TSC2: variants seen among roughly 807,000 people sequenced by gnomAD.
TSC2 encodes TSC complex subunit 2.
In TSC2, 29 loss-of-function variants were observed where a neutral mutation model predicts 202.2. The ratio of observed to expected loss-of-function variants is 0.14; its 90% CI spans 0.11 to 0.20. The LOEUF (loss-of-function observed/expected upper bound fraction) is 0.20. Ranked by LOEUF, TSC2 falls within the 10% of genes least tolerant of loss-of-function variation. The pLI, the probability that TSC2 is intolerant of heterozygous loss-of-function variation, is 1.00. For missense variants in TSC2, 2,429 were observed against 2,420.0 expected (o/e 1.00, Z -0.08); for synonymous variants, 1,349 against 1,044.0 (o/e 1.29, Z -5.63).
rs1555506852 is a variant in TSC2, at chr16:2,072,855, G to A, written c.2227G>A (p.Gly743Ser). ...GCCTGGATTTGGTCATCAGCTTTCAGGCCCAAAGACACTGGAGCGGCTCCG... is the reference window on the plus strand; with the variant it reads ...GCCTGGATTTGGTCATCAGCTTTCAAGCCCAAAGACACTGGAGCGGCTCCG... ...LCSALCSMLS[G>S]PKTLERLRGA... Residue 743 changes from glycine (G) to serine (S), a missense_variant, in exon 21 of 42, where the codon GGC becomes AGC. Coordinates refer to ENST00000219476, the MANE Select transcript of TSC2 (RefSeq NM_000548.5). 6.2e-7 allele frequency: 1 copy of A among 1,613,642 alleles called. No individual in the cohort carries two copies. The highest frequency in any genetic ancestry group is 8.5e-7 in the Non-Finnish European group (1 of 1,180,036).
At chr16:2,082,314 C>A in intron 31 of TSC2, 122 bp from the exon 32 acceptor site, 2 of 1,147,384 alleles carry the variant, frequency 1.7e-6, no homozygotes, top group African/African-American at 1.5e-5. Context: ...GCCCCGTGCG[C>A]GCCCCTGCCG....
chr16:2,081,038 C>T (rs75443211), intron 30 of TSC2: 14 of 191,774 alleles, frequency 7.3e-5, no homozygotes, highest in Admixed American at 5.3e-4. Context: ...GTGTTAATCT[C>T]CTCTTGGGAG....
intron 16 of TSC2, among the ~76,000 whole-genome samples, chr16:2,068,013 G>A (rs761898361): frequency 2.0e-5 from 3 of 152,168 alleles, no homozygotes; most frequent in African/African-American, 4.8e-5. Context: ...CCTAGTTGAG[G>A]CAGAGTCCTG....
At chr16:2,084,872 GCTCTGTGTTCCT>G in intron 34 of TSC2, 67 bp from the exon 35 acceptor site, 1 of 1,605,148 alleles carries the variant, frequency 6.2e-7, no homozygotes, top group Non-Finnish European at 8.5e-7. Flanking sequence ...AGATGGCCAG[GCTCTGTGTTCCT>G]CCCTGTGGGC....
chr16:2,076,726 G>A, intron 25 of TSC2, 141 bp downstream of exon 25: 1 of 856,078 alleles, frequency 1.2e-6, no homozygotes, highest in Non-Finnish European at 1.8e-6. Context: ...GGCAGGACCT[G>A]CAAGGGCCGC....
Position 2,053,386 on chromosome 16 carries a change from G to C in TSC2, c.270G>C (p.Gln90His), listed in dbSNP as rs779310889. ...ALWKAVADLL[Q>H]PERPLEARHA... ...GGAAGGCGGTCGCGGATCTGTTGCAGCCGGAGCGGCCGCTGGAGGCCCGGC... is the reference window on the plus strand; with the variant it reads ...GGAAGGCGGTCGCGGATCTGTTGCACCCGGAGCGGCCGCTGGAGGCCCGGC... Residue 90 changes from glutamine (Q) to histidine (H), a missense_variant, in exon 4 of 42, where the codon CAG (glutamine) becomes CAC (histidine). Coordinates refer to ENST00000219476, the MANE Select transcript of TSC2 (RefSeq NM_000548.5). 1 of 1,591,536 alleles carries C rather than the reference G, an allele frequency of 6.3e-7. No individual in the cohort carries two copies.
chr16:2,073,551 C>T (rs1041258958), intron 21 of TSC2, among the ~76,000 whole-genome samples: 4 of 152,262 alleles, frequency 2.6e-5, no homozygotes, highest in South Asian at 2.1e-4. Context: ...ATCTGTGCCC[C>T]GGGCCTCAGC....
rs1010489256 is a variant in TSC2 at position 2,048,702 on chromosome 16, G to T, written c.87G>T (p.Arg29Ser). Residue 29 changes from arginine to serine, a missense_variant, in exon 2 of 42, where the codon AGG (arginine) becomes AGT (serine). Coordinates refer to ENST00000219476, the MANE Select transcript of TSC2 (RefSeq NM_000548.5). ...TGGGAACACCGAGGCCAAATCCCAG[G>T]TCTGCAGAGGGTAAACAGACGGAGT... ...LGLGTPRPNP[R>S]SAEGKQTEFI... 1 of 1,614,066 alleles carries T rather than the reference G, an allele frequency of 6.2e-7. No homozygotes were observed. The highest frequency in any genetic ancestry group is 8.5e-7 in the Non-Finnish European group (1 of 1,180,034).
At chr16:2,087,208 AGTTG>A in intron 38 of TSC2, 1 of 420,754 alleles carries the variant, frequency 2.4e-6, no homozygotes, top group Non-Finnish European at 4.5e-6. Flanking sequence ...CAGGCTGCTC[AGTTG>A]GTTATCGCCA....
chr16:2,082,824 C>T, intron 32 of TSC2: 1 of 493,060 alleles, frequency 2.0e-6, no homozygotes, highest in Non-Finnish European at 3.7e-6. Flanking sequence ...TGGGTGGCAG[C>T]TGTTTAGGGG....
chr16:2,087,408 C>T (rs1219662979), intron 38 of TSC2, among the ~76,000 whole-genome samples: 2 of 151,828 alleles, frequency 1.3e-5, no homozygotes, highest in Non-Finnish European at 2.9e-5. Flanking sequence ...GAACCAAAAC[C>T]CCGGGGCTGG....
chr16:2,053,410 G>A lies in TSC2; in HGVS notation c.294G>A (p.Arg98=), dbSNP rs2085370771. 1 of 1,587,298 alleles carries A rather than the reference G, an allele frequency of 6.3e-7. No homozygotes were observed. Among genetic ancestry groups the A allele is most frequent in the Non-Finnish European group, 8.6e-7 (1 of 1,167,762 alleles). ...AGCCGGAGCGGCCGCTGGAGGCCCG[G>A]CACGCGGTGCTGGCTCTGCTGAAGG... ...LLQPERPLEA[R]HAVLALLKAI... The change falls in exon 4 of 42, where the codon CGG becomes CGA. Residue 98 remains arginine, a synonymous_variant. Transcript: ENST00000219476.
chr16:2,077,081 C>T lies in TSC2; in HGVS notation c.2837+496C>T, dbSNP rs577902814. 4.6e-5 allele frequency among the ~76,000 whole-genome samples: 7 copies of T among 152,372 alleles called. No individual in the cohort carries two copies. The South Asian group carries it at 6.2e-4, about 14-fold the overall frequency. On this transcript the variant is annotated intron_variant, in intron 25 of 41. Transcript: ENST00000219476. ...TAGATGGGAATACGGCATTTTCCAG[C>T]GTGACCTCAACTCGGAAGCTGTTGT...
intron 30 of TSC2, 93 bp from the exon 31 acceptor site, chr16:2,081,502 A>G: frequency 6.5e-7 from 1 of 1,548,824 alleles, no homozygotes; most frequent in East Asian, 2.2e-5. Context: ...GCATGAGGGC[A>G]AAACCAGGGC....
chr16:2,084,739 G>C, intron 34 of TSC2, 24 bp downstream of exon 34: 1 of 1,598,420 alleles, frequency 6.3e-7, no homozygotes, highest in Non-Finnish European at 8.5e-7. Flanking sequence ...TTCCGGGCGG[G>C]GCTCCTGACA....
chr16:2,058,828 T>C lies in TSC2; in HGVS notation c.930T>C (p.Tyr310=), dbSNP rs886041758. Residue 310 remains tyrosine (Y), a synonymous_variant, in exon 10 of 42, where the codon TAT becomes TAC. Coordinates refer to ENST00000219476, the MANE Select transcript of TSC2 (RefSeq NM_000548.5). ...CTCTCTGGGGAGCCCACCGGCTCTA[T>C]TCTCTCAGGAACTCGCCGACATCTG... is the stretch of plus-strand genomic sequence containing the variant. The part of the protein sequence containing the change: ...GMALWGAHRL[Y]SLRNSPTSVL... The C allele has an allele frequency of 6.2e-7, 1 of 1,605,896 alleles. No homozygotes were observed. The highest frequency in any genetic ancestry group is 1.1e-5 in the South Asian group (1 of 89,182).
In TSC2 at chr16:2,081,343, C is replaced by T. The variant is rs537588736; in HGVS notation, c.3611-252C>T. ...CCAGCCCTCGTGGAGGCCTTGGGTCCGGACTGTGAGGCTGTGGGCTGGAGG... is the reference window on the plus strand; with the variant it reads ...CCAGCCCTCGTGGAGGCCTTGGGTCTGGACTGTGAGGCTGTGGGCTGGAGG... On this transcript the variant is annotated intron_variant, in intron 30 of 41. Coordinates refer to ENST00000219476, the MANE Select transcript of TSC2 (RefSeq NM_000548.5). 21 of 564,264 alleles carry T rather than the reference C, an allele frequency of 3.7e-5. 1 individual carries two copies. The highest frequency in any genetic ancestry group is 3.7e-4 in the East Asian group (12 of 32,724). The allele number at this position is 564,264 out of a possible 1,614,324, so 35.0% of individuals were successfully genotyped here.
chr16:2,064,459 A>G (rs769447089), intron 15 of TSC2, 32 bp downstream of exon 15: 9 of 1,611,610 alleles, frequency 5.6e-6, no homozygotes, highest in African/African-American at 1.3e-5. Context: ...GCCGGGTGCT[A>G]GCGTGCCAGA....
In TSC2 at chr16:2,079,289, G is replaced by C. The variant is rs796053492; in HGVS notation, c.3145G>C (p.Glu1049Gln). ...TAVPKRSPVG[E>Q]FLLAGGRTKT... ...CCTGTCTTCTAGGTCTCCTGTGGGC[G>C]AGTTCCTCCTAGCGGGTGGCAGGAC... The change falls in exon 28 of 42, where the codon GAG becomes CAG. Residue 1049 changes from glutamate to glutamine, a missense_variant. Coordinates refer to ENST00000219476, the MANE Select transcript of TSC2 (RefSeq NM_000548.5). This position sits in a 1 kb window ranked among gnomAD's most constrained non-coding sequence, Gnocchi z 4.6. The C allele has an allele frequency of 6.2e-7, 1 of 1,612,962 alleles. No homozygotes were observed. Among genetic ancestry groups the C allele is most frequent in the Non-Finnish European group, 8.5e-7 (1 of 1,180,014 alleles).
Sources: allele counts gnomAD v4.1 joint callset (sites outside exome capture counted in the v4.1 genomes callset), GRCh38; gene constraint gnomAD v4.1.1; non-coding constraint Gnocchi (gnomAD v3.1); transcripts MANE v1.5; gene names NCBI Gene and HGNC (gene_info 2026-07-23, HGNC 2026-07-21).